The following GRID1 variants were observed in gnomAD, a reference collection of about 807,000 sequenced individuals.
The protein encoded by GRID1 is glutamate ionotropic receptor delta type subunit 1.
GRID1 carries 28 observed loss-of-function variants against 98.0 expected under a neutral mutation model. That is an observed-to-expected ratio of 0.29 (90% CI 0.21 to 0.39). GRID1 has a LOEUF of 0.39. Among genes scored for constraint, GRID1 ranks in the 10% least tolerant of loss-of-function variants. GRID1 has a pLI of 1.00. For synonymous variants in GRID1, 553 were observed against 538.5 expected (o/e 1.03, Z -0.37); for missense variants, 1,111 against 1,340.5 (o/e 0.83, Z 2.67).
rs547360166 is a variant in GRID1, at chr10:86,130,949, G to T, written c.726+7870C>A. On this transcript the variant is annotated intron_variant, in intron 4 of 15. Transcript: ENST00000327946. Reference sequence around the variant, plus strand: ...TGCCCGTCTGCGTGCCCCCCATCCCGTAAGGAGCAAGCAGCCAAACAAAGG... The same window carrying T: ...TGCCCGTCTGCGTGCCCCCCATCCCTTAAGGAGCAAGCAGCCAAACAAAGG... Among the ~76,000 whole-genome samples, 5 of 152,196 alleles carry T rather than the reference G, an allele frequency of 3.3e-5. No individual in the cohort carries two copies. In the South Asian group the frequency reaches 8.3e-4, roughly 25 times the overall value.
At position 86,284,884 on chromosome 10, in the gene GRID1, G is replaced by A. The variant is rs1236782961; in HGVS notation, c.236-78236C>T. 2.6e-5 allele frequency among the ~76,000 whole-genome samples: 4 copies of A among 152,272 alleles called. No individual in the cohort carries two copies. In the South Asian group the frequency reaches 6.2e-4, roughly 24 times the overall value. The stretch of plus-strand genomic sequence containing the variant: ...AGAAAATTGGGCTGTGGCCACTCAG[G>A]TCTGGCTCTACCCTGGTCTGCAGAG... On this transcript the variant is annotated intron_variant, in intron 2 of 15. Transcript: ENST00000327946.
chr10:85,863,411 G>C (rs74406376), intron 6 of GRID1, among the ~76,000 whole-genome samples: 3 of 152,150 alleles, frequency 2.0e-5, no homozygotes, highest in Non-Finnish European at 4.4e-5. Flanking sequence ...ATTAGGTTTC[G>C]ACATGGAAAT....
intron 4 of GRID1, among the ~76,000 whole-genome samples, chr10:85,965,030 GA>G (rs564543079): frequency 7.8e-4 from 119 of 152,254 alleles, no homozygotes; most frequent in African/African-American, 2.7e-3. Context: ...ACAAACATAT[GA>G]AAAAAAGCTC....
chr10:85,746,721 C>T (rs145754738), intron 8 of GRID1, among the ~76,000 whole-genome samples: 2 of 152,172 alleles, frequency 1.3e-5, no homozygotes, highest in Non-Finnish European at 1.5e-5. Context: ...GTGAAGCCCT[C>T]TTGAACCCTC....
At chr10:86,031,032 C>T (rs191295948) in intron 4 of GRID1, among the ~76,000 whole-genome samples, 45 of 152,236 alleles carry the variant, frequency 3.0e-4, no homozygotes, top group Non-Finnish European at 5.7e-4. Flanking sequence ...CAGACACTGC[C>T]TCCTCAAACC....
intron 3 of GRID1, among the ~76,000 whole-genome samples, chr10:86,145,687 C>T (rs74944256): frequency 6.6e-6 from 1 of 152,098 alleles, no homozygotes; most frequent in Non-Finnish European, 1.5e-5. Flanking sequence ...GAAATTCATG[C>T]CCCCTTCAAA....
chr10:85,942,410 GTCTGGGGCCTGTGA>G (rs1266102597), intron 4 of GRID1, among the ~76,000 whole-genome samples: 1 of 152,178 alleles, frequency 6.6e-6, no homozygotes, highest in Admixed American at 6.5e-5. Flanking sequence ...GTCTCCAACT[GTCTGGGGCCTGTGA>G]TCCAGACCTT....
At chr10:85,869,325 T>C in intron 5 of GRID1, 145 bp from the exon 6 acceptor site, 1 of 655,564 alleles carries the variant, frequency 1.5e-6, no homozygotes, top group South Asian at 1.9e-5. Flanking sequence ...AGTTCATTAG[T>C]TGCTTATTCA....
intron 8 of GRID1, among the ~76,000 whole-genome samples, chr10:85,838,203 G>A (rs1208921323): frequency 6.6e-6 from 1 of 152,192 alleles, no homozygotes; most frequent in East Asian, 1.9e-4. Context: ...ACCTGAAAGA[G>A]ATGCAGAGAA....
rs576307653 is a variant in GRID1, at chr10:86,365,692, C to A, written c.79+622G>T. On this transcript the variant is annotated intron_variant, in intron 1 of 15. Transcript: ENST00000327946. This position sits in a 1 kb window ranked among gnomAD's most constrained non-coding sequence, Gnocchi z 4.8. ...AGATACACACGCACTCACACATACA[C>A]CAAGGGCTACACAGACACACACCGG... Among the ~76,000 whole-genome samples, 8 of 152,188 alleles carry A rather than the reference C, an allele frequency of 5.3e-5. No homozygotes were observed. Among genetic ancestry groups the A allele is most frequent in the African/African-American group, 1.9e-4 (8 of 41,530 alleles).
At chr10:85,704,454 C>T (rs1341107386) in intron 12 of GRID1, among the ~76,000 whole-genome samples, 5 of 152,276 alleles carry the variant, frequency 3.3e-5, no homozygotes, top group South Asian at 2.1e-4. Context: ...TACAGGAGTA[C>T]CCAGATTCAT....
intron 8 of GRID1, among the ~76,000 whole-genome samples, chr10:85,829,416 C>A (rs1358616773): frequency 6.6e-6 from 1 of 152,160 alleles, no homozygotes; most frequent in Admixed American, 6.5e-5. Flanking sequence ...ATTATCATGA[C>A]TCCTATTCAA....
intron 5 of GRID1, among the ~76,000 whole-genome samples, chr10:85,874,158 T>A (rs1001659338): frequency 2.6e-5 from 4 of 152,210 alleles, no homozygotes; most frequent in African/African-American, 9.7e-5. Context: ...TAAAGTTCCT[T>A]GATTAGAAAA....
At chr10:86,220,270 A>G (rs1233819973) in intron 2 of GRID1, among the ~76,000 whole-genome samples, 4 of 152,082 alleles carry the variant, frequency 2.6e-5, no homozygotes, top group Non-Finnish European at 4.4e-5. Context: ...GCTCTCCAGA[A>G]CTCTCAGAGA....
chr10:86,086,775 G>C (rs1024920557), intron 4 of GRID1, among the ~76,000 whole-genome samples: 1 of 152,164 alleles, frequency 6.6e-6, no homozygotes, highest in East Asian at 1.9e-4. Context: ...GTGTGTGTTG[G>C]TGTTTGTGTG....
chr10:86,271,060 C>T (rs1847177945), intron 2 of GRID1, among the ~76,000 whole-genome samples: 1 of 152,146 alleles, frequency 6.6e-6, no homozygotes, highest in African/African-American at 2.4e-5. Context: ...AGAAAGACAC[C>T]TGGCGAGCTT....
chr10:85,735,710 C>T (rs1359728685), intron 8 of GRID1, among the ~76,000 whole-genome samples: 1 of 151,924 alleles, frequency 6.6e-6, no homozygotes, highest in East Asian at 1.9e-4. Context: ...GGGTGGCAAT[C>T]TTACTGTTTT....
intron 3 of GRID1, among the ~76,000 whole-genome samples, chr10:86,183,353 T>TATTA (rs1280493180): frequency 4.6e-5 from 7 of 151,736 alleles, no homozygotes; most frequent in Admixed American, 2.6e-4. Flanking sequence ...TTTATTTATT[T>TATTA]ATTTATTTAT....
intron 4 of GRID1, among the ~76,000 whole-genome samples, chr10:85,968,582 T>A (rs1420115551): frequency 6.6e-6 from 1 of 151,692 alleles, no homozygotes; most frequent in Non-Finnish European, 1.5e-5. Context: ...ACAGCTACAC[T>A]AAAGCAAAGT....
Sources: allele counts gnomAD v4.1 joint callset (sites outside exome capture counted in the v4.1 genomes callset), GRCh38; gene constraint gnomAD v4.1.1; non-coding constraint Gnocchi (gnomAD v3.1); transcripts MANE v1.5; gene names NCBI Gene and HGNC (gene_info 2026-07-23, HGNC 2026-07-21).